Variants in CDK5RAP2 observed in about 807,000 individuals in gnomAD.
CDK5RAP2 encodes CDK5 regulatory subunit associated protein 2.
A neutral mutation model predicts 232.9 loss-of-function variants in CDK5RAP2; 147 were observed. The ratio of observed to expected loss-of-function variants is 0.63; its 90% CI spans 0.55 to 0.72. The LOEUF (loss-of-function observed/expected upper bound fraction) is 0.72. Ranked by LOEUF, CDK5RAP2 falls within the 30% of genes least tolerant of loss-of-function variation. The pLI is 0.00. For missense variants in CDK5RAP2, 2,195 were observed against 2,231.5 expected (o/e 0.98, Z 0.33); for synonymous variants, 833 against 833.7 (o/e 1.00, Z 0.01).
In CDK5RAP2 at chr9:120,440,314, C is replaced by T. The variant is rs144423207; in HGVS notation, c.3149-342G>A. On this transcript the variant is annotated intron_variant, in intron 23 of 37. Transcript: ENST00000349780. Reference sequence around the variant, plus strand: ...ACATGAGACCTTCCATGATCTAGTTCCAGGCAACCTTTCCAGGAATATCTC... The same window carrying T: ...ACATGAGACCTTCCATGATCTAGTTTCAGGCAACCTTTCCAGGAATATCTC... The T allele has an allele frequency of 2.3e-3, 746 of 327,480 alleles. 5 individuals carry two copies. The highest frequency in any genetic ancestry group is 0.014 in the African/African-American group (657 of 47,558). The allele number at this position is 327,480 out of a possible 1,614,324, so 20.3% of individuals were successfully genotyped here.
chr9:120,560,890 T>G (rs1189893173), intron 3 of CDK5RAP2, among the ~76,000 whole-genome samples: 1 of 152,100 alleles, frequency 6.6e-6, no homozygotes, highest in Non-Finnish European at 1.5e-5. Context: ...GTGCTGGGAT[T>G]ACAGATGTGA....
intron 35 of CDK5RAP2, 107 bp downstream of exon 35, chr9:120,400,635 C>T: frequency 7.1e-7 from 1 of 1,406,522 alleles, no homozygotes; most frequent in South Asian, 1.2e-5. Flanking sequence ...TAATACATAC[C>T]CCAAATGGTG....
At chr9:120,544,704 C>T (rs1328889710) in intron 5 of CDK5RAP2, among the ~76,000 whole-genome samples, 5 of 152,230 alleles carry the variant, frequency 3.3e-5, no homozygotes, top group African/African-American at 1.2e-4. Flanking sequence ...CTAGGATCCT[C>T]GGTGAGGCAA....
intron 15 of CDK5RAP2, among the ~76,000 whole-genome samples, chr9:120,475,457 C>T (rs1476865979): frequency 6.6e-6 from 1 of 152,128 alleles, no homozygotes; most frequent in East Asian, 1.9e-4. Context: ...ACCATATCCA[C>T]CCACAAGGCC....
At chr9:120,477,917 C>A (rs2038104405) in intron 14 of CDK5RAP2, among the ~76,000 whole-genome samples, 1 of 152,208 alleles carries the variant, frequency 6.6e-6, no homozygotes, top group Non-Finnish European at 1.5e-5. Flanking sequence ...TCTTGGGAGG[C>A]ATCCAGAACA....
chr9:120,557,318 C>T (rs2042266543), intron 3 of CDK5RAP2, among the ~76,000 whole-genome samples: 1 of 152,198 alleles, frequency 6.6e-6, no homozygotes, highest in Admixed American at 6.5e-5. Flanking sequence ...TTTATCAGAG[C>T]AATGCCCATA....
At chr9:120,411,284 CCAATGCCTG>C (rs2033829427) in intron 29 of CDK5RAP2, 65 bp downstream of exon 29, 1 of 922,538 alleles carries the variant, frequency 1.1e-6, no homozygotes, top group South Asian at 1.3e-5. Context: ...TGGTCAGACT[CCAATGCCTG>C]CATTCTTTCC....
In CDK5RAP2 at chr9:120,460,583, G is replaced by A. The variant is rs1172656754; in HGVS notation, c.2191C>T (p.Gln731Ter). Reference sequence around the variant, plus strand: ...TGAAAGGTTCCTACCTCATTACTCTGCTGCAAATGCTGGTCACTCAGGAAA... The same window carrying A: ...TGAAAGGTTCCTACCTCATTACTCTACTGCAAATGCTGGTCACTCAGGAAA... ...INFLSDQHLQ[Q>*]SNEIMKDLSK... The change falls in exon 19 of 38, where the codon CAG (glutamine) becomes TAG (stop). Residue 731 changes from glutamine to a stop codon, truncating the protein, a stop_gained. Transcript: ENST00000349780. LOFTEE classifies it high-confidence loss of function. 1.2e-6 allele frequency: 2 copies of A among 1,613,892 alleles called. No individual in the cohort carries two copies. The highest frequency in any genetic ancestry group is 1.7e-6 in the Non-Finnish European group (2 of 1,179,924).
intron 1 of CDK5RAP2, among the ~76,000 whole-genome samples, chr9:120,578,785 T>TCGGCC (rs2043135477): frequency 6.6e-6 from 1 of 152,080 alleles, no homozygotes; most frequent in Admixed American, 6.6e-5. Context: ...CAGGCTGATC[T>TCGGCC]CACACTCCTG....
At chr9:120,476,179 TTTAAC>T (rs1384163026) in intron 15 of CDK5RAP2, among the ~76,000 whole-genome samples, 1 of 152,012 alleles carries the variant, frequency 6.6e-6, no homozygotes, top group East Asian at 1.9e-4. Flanking sequence ...GTGATTCTTT[TTTAAC>T]TTTTCATTAT....
intron 17 of CDK5RAP2, among the ~76,000 whole-genome samples, chr9:120,468,888 T>C (rs555598321): frequency 2.0e-5 from 3 of 152,304 alleles, no homozygotes; most frequent in East Asian, 3.9e-4. Context: ...TCAAATAACA[T>C]GGAAATTCCC....
At chr9:120,532,005 A>ATT (rs35525358) in intron 7 of CDK5RAP2, among the ~76,000 whole-genome samples, 2 of 145,988 alleles carry the variant, frequency 1.4e-5, no homozygotes, top group African/African-American at 5.0e-5. Context: ...ATAAAACTGA[A>ATT]TTTTTTTTTT....
rs71385064 is a variant in CDK5RAP2, at chr9:120,497,421, T to TAAAAAAAAAAAAAAAAAAAAAA, written c.1312-5966_1312-5945dup. ...AGAATTATCAATAAAAAAATAAATT[T>TAAAAAAAAAAAAAAAAAAAAAA]AAAAAAAAAAAAAAAAAAAAAAAAA... On this transcript the variant is annotated intron_variant, in intron 12 of 37. Coordinates refer to ENST00000349780, the MANE Select transcript of CDK5RAP2 (RefSeq NM_018249.6). Among the ~76,000 whole-genome samples, 46 of 23,300 alleles carry TAAAAAAAAAAAAAAAAAAAAAA rather than the reference T, an allele frequency of 2.0e-3. 3 individuals are homozygous for TAAAAAAAAAAAAAAAAAAAAAA. Among genetic ancestry groups the TAAAAAAAAAAAAAAAAAAAAAA allele is most frequent in the South Asian group, 3.6e-3 (1 of 278 alleles). The allele number at this position is 23,300 out of a possible 152,430, so 15.3% of individuals were successfully genotyped here.
chr9:120,528,779 G>C lies in CDK5RAP2; in HGVS notation c.844C>G (p.Gln282Glu), dbSNP rs1588577510. ...TCTTCAAAGCTGTTTCTCTCCTTCT[G>C]ATGCTCCATTTGTGCAGCCTAAGAA... ...RETEAAQMEHQKERNSFEERI... is the reference protein window; with the variant it reads ...RETEAAQMEHEKERNSFEERI... The change falls in exon 9 of 38, where the codon CAG becomes GAG. Residue 282 changes from glutamine to glutamate, a missense_variant. Coordinates refer to ENST00000349780, the MANE Select transcript of CDK5RAP2 (RefSeq NM_018249.6). 1 of 1,609,996 alleles carries C rather than the reference G, an allele frequency of 6.2e-7. No homozygotes were observed. Among genetic ancestry groups the C allele is most frequent in the Non-Finnish European group, 8.5e-7 (1 of 1,176,218 alleles).
Position 120,453,555 on chromosome 9 carries a change from C to T in CDK5RAP2, c.2694G>A (p.Pro898=), listed in dbSNP as rs781233285. 9.9e-6 allele frequency: 16 copies of T among 1,614,122 alleles called. No individual in the cohort carries two copies. The African/African-American group carries it at 1.7e-4, about 17-fold the overall frequency. ...EATREAWEEK[P]INTALSAEHR... is the part of the protein sequence containing the mutation. The stretch of plus-strand genomic sequence containing the variant: ...GCTCTGCGCTGAGTGCAGTGTTGAT[C>T]GGTTTCTCTTCCCAAGCCTCTCTTG... The change falls in exon 21 of 38, where the codon CCG becomes CCA. Residue 898 remains proline (P), a synonymous_variant. Coordinates refer to ENST00000349780, the MANE Select transcript of CDK5RAP2 (RefSeq NM_018249.6).
At chr9:120,431,846 A>C (rs1437632251) in intron 25 of CDK5RAP2, among the ~76,000 whole-genome samples, 1 of 152,226 alleles carries the variant, frequency 6.6e-6, no homozygotes, top group African/African-American at 2.4e-5. Context: ...GGGAGGCACC[A>C]AGAACAAGGA....
intron 36 of CDK5RAP2, among the ~76,000 whole-genome samples, chr9:120,391,231 A>G (rs1450901280): frequency 6.6e-6 from 1 of 152,174 alleles, no homozygotes; most frequent in East Asian, 1.9e-4. Context: ...ATGTCCCTAG[A>G]GAACAAAGCT....
chr9:120,504,485 C>T (rs1253575587), intron 12 of CDK5RAP2, among the ~76,000 whole-genome samples: 4 of 152,168 alleles, frequency 2.6e-5, no homozygotes, highest in Non-Finnish European at 4.4e-5. Flanking sequence ...GTATTCCTCC[C>T]GCCAGACAGC....
chr9:120,440,013 A>C (rs745634627), intron 23 of CDK5RAP2, 41 bp from the exon 24 acceptor site: 1 of 1,568,896 alleles, frequency 6.4e-7, no homozygotes, highest in African/African-American at 1.4e-5. Context: ...TCTTTTACTA[A>C]AATCCAAACC....
Sources: gnomAD v4.1 joint callset for allele counts (sites outside exome capture counted in the v4.1 genomes callset) on GRCh38, gnomAD v4.1.1 for gene constraint, MANE v1.5 for transcripts, NCBI Gene and HGNC (gene_info 2026-07-23, HGNC 2026-07-21) for gene names.